Variants in NAALADL2 observed in about 807,000 individuals in gnomAD.
NAALADL2 encodes the protein inactive N-acetylated-alpha-linked acidic dipeptidase-like protein 2.
NAALADL2 carries 76 observed loss-of-function variants against 87.2 expected under a neutral mutation model. That is an observed-to-expected ratio of 0.87 (90% CI 0.72 to 1.05). NAALADL2 has a LOEUF of 1.05. Ranked by LOEUF, NAALADL2 falls within the 50% of genes least tolerant of loss-of-function variation. NAALADL2 has a pLI of 0.00. For synonymous variants in NAALADL2, 354 were observed against 331.0 expected, an observed-to-expected ratio of 1.07 and a Z score of -0.75; for missense variants, 1,089 against 945.8, an observed-to-expected ratio of 1.15 and a Z score of -1.99.
chr3:175,460,722 CTGTT>C (rs1403173846), intron 6 of NAALADL2, among the ~76,000 whole-genome samples: 1 of 152,130 alleles, frequency 6.6e-6, no homozygotes, highest in Admixed American at 6.6e-5. Flanking sequence ...AGTTGGTACT[CTGTT>C]TGCCGCATAT....
chr3:174,592,591 A>G (rs1246702973), intron 2 of NAALADL2, among the ~76,000 whole-genome samples: 1 of 152,154 alleles, frequency 6.6e-6, no homozygotes, highest in Non-Finnish European at 1.5e-5. Context: ...AAGTAAATAC[A>G]TTTACTTGAT....
intron 9 of NAALADL2, among the ~76,000 whole-genome samples, chr3:175,478,260 G>A (rs1053935377): frequency 6.6e-6 from 1 of 151,810 alleles, no homozygotes; most frequent in South Asian, 2.1e-4. Context: ...CAACGGAAGC[G>A]ACCATAAAGA....
intron 2 of NAALADL2, among the ~76,000 whole-genome samples, chr3:175,109,363 T>A (rs75371964): frequency 0.05 from 7,589 of 151,868 alleles, 547 homozygotes; most frequent in African/African-American, 0.16. Context: ...TTTATTGAGG[T>A]CCTAGTGAGT....
At chr3:175,571,291 A>T (rs1340495967) in intron 9 of NAALADL2, among the ~76,000 whole-genome samples, 2 of 152,152 alleles carry the variant, frequency 1.3e-5, no homozygotes, top group African/African-American at 4.8e-5. Flanking sequence ...TAAGCTAGTG[A>T]CATAACCATG....
intron 6 of NAALADL2, among the ~76,000 whole-genome samples, chr3:175,460,353 T>C (rs1722931107): frequency 6.6e-6 from 1 of 152,186 alleles, no homozygotes; most frequent in Non-Finnish European, 1.5e-5. Flanking sequence ...CATGAGGATG[T>C]AAATAAAGAG....
chr3:174,698,406 G>C (rs1054951980), intron 2 of NAALADL2, among the ~76,000 whole-genome samples: 3 of 152,046 alleles, frequency 2.0e-5, no homozygotes, highest in African/African-American at 7.2e-5. Flanking sequence ...TCAGGATTTT[G>C]AAGATAATAT....
chr3:175,482,627 G>A (rs1450411226), intron 9 of NAALADL2, among the ~76,000 whole-genome samples: 2 of 151,774 alleles, frequency 1.3e-5, no homozygotes, highest in Non-Finnish European at 2.9e-5. Flanking sequence ...TTTTCATACA[G>A]ACCCATTGCT....
chr3:174,932,962 G>T (rs1238264482), intron 1 of NAALADL2, among the ~76,000 whole-genome samples: 2 of 151,998 alleles, frequency 1.3e-5, no homozygotes, highest in East Asian at 1.9e-4. Flanking sequence ...TACTAAAAAT[G>T]CAAAATTAGC....
chr3:174,731,236 A>G (rs1732676878), intron 2 of NAALADL2, among the ~76,000 whole-genome samples: 1 of 152,122 alleles, frequency 6.6e-6, no homozygotes, highest in Non-Finnish European at 1.5e-5. Flanking sequence ...GCTGAGAAGC[A>G]TTGTGCAAAG....
chr3:174,927,012 T>G (rs1200870988), intron 1 of NAALADL2, among the ~76,000 whole-genome samples: 2 of 141,156 alleles, frequency 1.4e-5, no homozygotes. Context: ...TGGAAGAAGA[T>G]CTACCAAGCA....
At chr3:175,717,512 CA>C (rs1682209803) in intron 11 of NAALADL2, among the ~76,000 whole-genome samples, 1 of 151,764 alleles carries the variant, frequency 6.6e-6, no homozygotes, top group Non-Finnish European at 1.5e-5. Flanking sequence ...GCCAACATGG[CA>C]AAACCCTGTC....
intron 3 of NAALADL2, among the ~76,000 whole-genome samples, chr3:175,238,081 G>A (rs1746221468): frequency 6.6e-6 from 1 of 151,802 alleles, no homozygotes; most frequent in African/African-American, 2.4e-5. Context: ...AAATATTCCT[G>A]TGTAACCATA....
intron 2 of NAALADL2, among the ~76,000 whole-genome samples, chr3:174,702,978 GAAAAC>G (rs1462244989): frequency 6.6e-6 from 1 of 152,052 alleles, no homozygotes; most frequent in African/African-American, 2.4e-5. Context: ...TCTTGGGAAA[GAAAAC>G]AAAGAGCTGA....
chr3:174,886,997 G>A (rs1413958743), intron 1 of NAALADL2, among the ~76,000 whole-genome samples: 1 of 152,138 alleles, frequency 6.6e-6, no homozygotes, highest in Non-Finnish European at 1.5e-5. Flanking sequence ...TTTTTCAGCT[G>A]TATTTCTACT....
intron 2 of NAALADL2, among the ~76,000 whole-genome samples, chr3:175,207,609 C>T (rs1292649146): frequency 1.3e-5 from 2 of 152,102 alleles, no homozygotes; most frequent in Admixed American, 6.6e-5. Context: ...TTTAATTCCT[C>T]AACATCTGCA....
chr3:175,316,975 G>T (rs934994212), intron 4 of NAALADL2, among the ~76,000 whole-genome samples: 3 of 152,156 alleles, frequency 2.0e-5, no homozygotes, highest in African/African-American at 4.8e-5. Flanking sequence ...CATTGAACAG[G>T]TGTTCATCTC....
chr3:175,602,465 T>TAGAG (rs1553930734), intron 10 of NAALADL2, among the ~76,000 whole-genome samples: 1 of 150,074 alleles, frequency 6.7e-6, no homozygotes, highest in African/African-American at 2.5e-5. Context: ...TATCTATATA[T>TAGAG]ATAGAGAGAG....
At chr3:175,378,247 T>G (rs1347820119) in intron 5 of NAALADL2, among the ~76,000 whole-genome samples, 1 of 151,966 alleles carries the variant, frequency 6.6e-6, no homozygotes, top group Non-Finnish European at 1.5e-5. Flanking sequence ...CCACAAGGGG[T>G]GGAGCAAAGC....
chr3:175,226,500 T>G (rs756080824), intron 2 of NAALADL2, among the ~76,000 whole-genome samples: 1 of 152,084 alleles, frequency 6.6e-6, no homozygotes, highest in Admixed American at 6.6e-5. Context: ...TAGCACGGTA[T>G]AGTGGAAATC....
Sources: gnomAD v4.1 joint callset for allele counts (sites outside exome capture counted in the v4.1 genomes callset) on GRCh38, gnomAD v4.1.1 for gene constraint, MANE v1.5 for transcripts, NCBI Gene and HGNC (gene_info 2026-07-23, HGNC 2026-07-21) for gene names.